Variants in SLC35F2 observed in about 807,000 individuals in gnomAD.
The protein encoded by SLC35F2 is solute carrier family 35 member F2, also known as queuine/queuosine transporter SLC35F2.
SLC35F2 carries 25 observed loss-of-function variants against 38.1 expected under a neutral mutation model. The ratio of observed to expected loss-of-function variants is 0.66; its 90% confidence interval spans 0.48 to 0.92. The LOEUF (loss-of-function observed/expected upper bound fraction) is 0.92, where lower values mean the gene tolerates loss of function less well. Ranked by LOEUF, SLC35F2 falls within the 40% of genes least tolerant of loss-of-function variation. The pLI, the probability that SLC35F2 is intolerant of heterozygous loss-of-function variation, is 0.00. For synonymous variants in SLC35F2, 173 were observed against 181.7 expected, an observed-to-expected ratio of 0.95 and a Z score of 0.38; for missense variants, 409 against 452.9, an observed-to-expected ratio of 0.90 and a Z score of 0.88.
intron 2 of SLC35F2, 37 bp from the exon 3 acceptor site, chr11:107,811,831 G>A: frequency 5.7e-6 from 9 of 1,580,714 alleles, no homozygotes; most frequent in Non-Finnish European, 7.8e-6. Context: ...CATGTTACTT[G>A]CAAATGATAC....
At chr11:107,821,627 C>G (rs1030257216) in intron 1 of SLC35F2, 1 of 985,040 alleles carries the variant, frequency 1.0e-6, no homozygotes, top group African/African-American at 1.7e-5. Flanking sequence ...AACAGAGGAA[C>G]CCTCTATACC....
At chr11:107,821,369 T>TA in intron 1 of SLC35F2, 4 of 974,330 alleles carry the variant, frequency 4.1e-6, no homozygotes, top group Non-Finnish European at 4.9e-6. Context: ...TATGGAGATT[T>TA]AAAGTTACAG....
chr11:107,816,156 T>C (rs559249719), intron 1 of SLC35F2, 191 bp from the exon 2 acceptor site: 1 of 985,388 alleles, frequency 1.0e-6, no homozygotes, highest in South Asian at 4.7e-5. Context: ...TTATTCTCTA[T>C]TTTTCTGATC....
intron 2 of SLC35F2, among the ~76,000 whole-genome samples, chr11:107,815,119 G>A (rs972465700): frequency 2.0e-5 from 3 of 151,998 alleles, no homozygotes; most frequent in African/African-American, 4.8e-5. Flanking sequence ...TGCAACTGAC[G>A]TTCCATTTAC....
In SLC35F2 at chr11:107,827,375, G is replaced by A. The variant is rs142240447; in HGVS notation, c.111-11410C>T. Among the ~76,000 whole-genome samples, 903 of 150,464 alleles carry A rather than the reference G, an allele frequency of 6.0e-3. 6 individuals are homozygous for A. The highest frequency in any genetic ancestry group is 0.02 in the African/African-American group (810 of 40,956). ...CACACCTGTAATACCAGCACTTTGC[G>A]AGGCCAAGGTGGGTGGATCACTTGA... On this transcript the variant is annotated intron_variant, in intron 1 of 7. Transcript: ENST00000525815.
At chr11:107,829,428 A>C (rs1213887579) in intron 1 of SLC35F2, among the ~76,000 whole-genome samples, 3 of 151,924 alleles carry the variant, frequency 2.0e-5, no homozygotes, top group Non-Finnish European at 4.4e-5. Flanking sequence ...CAAAAAAAAA[A>C]AAAACTTGTT....
intron 1 of SLC35F2, among the ~76,000 whole-genome samples, chr11:107,843,885 ATATATATATATATATATATATATG>A (rs1860060577): frequency 1.7e-5 from 1 of 58,412 alleles, no homozygotes; most frequent in African/African-American, 6.5e-5. Flanking sequence ...ATATATATAT[ATATATATATATATATATATATATG>A]TATATTAATT....
chr11:107,800,123 C>T (rs1204942566), intron 7 of SLC35F2, among the ~76,000 whole-genome samples: 3 of 151,484 alleles, frequency 2.0e-5, no homozygotes, highest in East Asian at 1.9e-4. Context: ...CTCCTGACCT[C>T]GTGATCCGCC....
intron 1 of SLC35F2, among the ~76,000 whole-genome samples, chr11:107,856,889 A>C (rs1331399998): frequency 4.5e-5 from 4 of 89,346 alleles, no homozygotes; most frequent in Admixed American, 2.6e-4. Flanking sequence ...GAAGGAAGGG[A>C]GGGAGGGAAG....
chr11:107,843,505 G>A (rs535209912), intron 1 of SLC35F2, among the ~76,000 whole-genome samples: 7 of 150,564 alleles, frequency 4.6e-5, no homozygotes, highest in Admixed American at 3.3e-4. Flanking sequence ...AGCCAAGATC[G>A]CACCATTGCA....
At chr11:107,821,361 T>G in intron 1 of SLC35F2, 4 of 959,882 alleles carry the variant, frequency 4.2e-6, no homozygotes, top group South Asian at 4.8e-5. Context: ...AAATTGAGTA[T>G]GGAGATTTAA....
chr11:107,811,375 G>T, intron 3 of SLC35F2: 2 of 411,956 alleles, frequency 4.9e-6, no homozygotes, highest in Non-Finnish European at 3.3e-6. Flanking sequence ...ATATAAAACA[G>T]AACACGTGTC....
Position 107,813,539 on chromosome 11 carries a change from A to T in SLC35F2, c.287-1745T>A, listed in dbSNP as rs141258132. Among the ~76,000 whole-genome samples the T allele has an allele frequency of 3.0e-4, 46 of 152,324 alleles. 1 individual carries two copies. In the East Asian group the frequency reaches 8.3e-3, roughly 27 times the overall value. On this transcript the variant is annotated intron_variant, in intron 2 of 7. Transcript: ENST00000525815. ...CATCAAATGGCATAGGAAGCACCTAACAACCATCCCTTAGGGAGACTAACT... is the reference window on the plus strand; with the variant it reads ...CATCAAATGGCATAGGAAGCACCTATCAACCATCCCTTAGGGAGACTAACT...
At chr11:107,833,444 G>A (rs1859882310) in intron 1 of SLC35F2, among the ~76,000 whole-genome samples, 1 of 151,332 alleles carries the variant, frequency 6.6e-6, no homozygotes, top group Admixed American at 6.6e-5. Context: ...GCTTGAACCT[G>A]GGAGGCAGAG....
At chr11:107,798,130 A>G (rs1591183748) in intron 7 of SLC35F2, among the ~76,000 whole-genome samples, 2 of 151,988 alleles carry the variant, frequency 1.3e-5, no homozygotes, top group Non-Finnish European at 2.9e-5. Flanking sequence ...CGGCCTCCCA[A>G]GTAACTGGGA....
chr11:107,840,835 TA>T (rs1484591275), intron 1 of SLC35F2: 3 of 152,160 alleles, frequency 2.0e-5, no homozygotes, highest in African/African-American at 7.2e-5. Flanking sequence ...ACTGACCTAC[TA>T]CACTCGTCAC....
At chr11:107,809,878 G>T (rs1372179096) in intron 3 of SLC35F2, 2 of 985,254 alleles carry the variant, frequency 2.0e-6, no homozygotes, top group Non-Finnish European at 2.4e-6. Flanking sequence ...ATTCTAGGAA[G>T]AACAGAGCAG....
intron 1 of SLC35F2, among the ~76,000 whole-genome samples, chr11:107,820,989 C>T (rs948130328): frequency 1.3e-5 from 2 of 152,084 alleles, no homozygotes; most frequent in African/African-American, 4.8e-5. Flanking sequence ...TCAAAGCATC[C>T]CTGTACCTCG....
rs1859131441 is a variant in SLC35F2, at chr11:107,791,509, G to T, written c.*1106C>A. On this transcript the variant is annotated 3_prime_UTR_variant, in exon 8 of 8. Coordinates refer to ENST00000525815, the MANE Select transcript of SLC35F2 (RefSeq NM_017515.5). Reference sequence around the variant, plus strand: ...TGAAACTGTGGAGCACATAGCCAGTGTCACAGGCTCCGAGAGCAGAGAGAG... The same window carrying T: ...TGAAACTGTGGAGCACATAGCCAGTTTCACAGGCTCCGAGAGCAGAGAGAG... The T allele has an allele frequency of 6.6e-6, 1 of 152,226 alleles. No homozygotes were observed. Among genetic ancestry groups the T allele is most frequent in the Non-Finnish European group, 1.5e-5 (1 of 68,070 alleles). The allele number at this position is 152,226 out of a possible 1,614,324, so 9.4% of individuals were successfully genotyped here.
Sources: gnomAD v4.1 joint callset for allele counts (sites outside exome capture counted in the v4.1 genomes callset) on GRCh38, gnomAD v4.1.1 for gene constraint, MANE v1.5 for transcripts, NCBI Gene and HGNC (gene_info 2026-07-23, HGNC 2026-07-21) for gene names.